Variants in TNIK observed in about 807,000 individuals in gnomAD.
TNIK encodes TRAF2 and NCK interacting kinase, also known as TRAF2 and NCK-interacting protein kinase.
Under a neutral mutation model 191.3 loss-of-function variants are expected in TNIK, and 49 were observed. The observed-to-expected ratio is 0.26, with a 90% CI of 0.20 to 0.32. The LOEUF (loss-of-function observed/expected upper bound fraction) is 0.32, where lower values mean the gene tolerates loss of function less well. TNIK is among the 10% of genes least tolerant of loss of function. The probability of loss-of-function intolerance (pLI) is 1.00; values close to 1 mark genes in which losing one functional copy is unlikely to be tolerated. For missense variants in TNIK, 1,155 were observed against 1,702.3 expected (o/e 0.68, Z 5.66); for synonymous variants, 594 against 600.9 (o/e 0.99, Z 0.17).
At chr3:171,368,336 G>C (rs1445672968) in intron 2 of TNIK, among the ~76,000 whole-genome samples, 1 of 152,190 alleles carries the variant, frequency 6.6e-6, no homozygotes, top group African/African-American at 2.4e-5. Context: ...ACCTAAGTCA[G>C]AGCTTAATTC....
intron 24 of TNIK, among the ~76,000 whole-genome samples, chr3:171,087,014 T>C (rs1721441555): frequency 6.6e-6 from 1 of 152,222 alleles, no homozygotes; most frequent in Non-Finnish European, 1.5e-5. Flanking sequence ...CTGTGTAGCC[T>C]GAAGTTTCCA....
intron 27 of TNIK, among the ~76,000 whole-genome samples, chr3:171,081,128 A>G (rs1235095752): frequency 1.3e-5 from 2 of 152,290 alleles, no homozygotes; most frequent in African/African-American, 2.4e-5. Flanking sequence ...TAGTATAGCA[A>G]TCAGGACAGC....
intron 2 of TNIK, among the ~76,000 whole-genome samples, chr3:171,311,932 C>T (rs1920108): frequency 0.38 from 57,937 of 151,282 alleles, 11,460 homozygotes; most frequent in Non-Finnish European, 0.42. Context: ...CAAACATACA[C>T]GCAAGGTCAG....
At chr3:171,125,768 A>G in intron 17 of TNIK, 144 bp downstream of exon 17, 1 of 1,250,148 alleles carries the variant, frequency 8.0e-7, no homozygotes, top group African/African-American at 1.5e-5. Context: ...TTAGCCAGGG[A>G]ATGAAGAGGG....
intron 1 of TNIK, among the ~76,000 whole-genome samples, chr3:171,394,222 C>A (rs1385456858): frequency 6.6e-6 from 1 of 152,186 alleles, no homozygotes; most frequent in Non-Finnish European, 1.5e-5. Context: ...AGTCAGAGGT[C>A]CTTCATGACA....
chr3:171,259,838 C>T lies in TNIK; in HGVS notation c.124-31617G>A, dbSNP rs1359938676. 2.6e-5 allele frequency among the ~76,000 whole-genome samples: 4 copies of T among 152,194 alleles called. No homozygotes were observed. The South Asian group carries it at 6.2e-4, about 24-fold the overall frequency. On this transcript the variant is annotated intron_variant, in intron 2 of 32. Transcript: ENST00000436636. ...CCAGTGCTCTTCAAGAGATCCATTA[C>T]ATCCCTCTTCTTGCCCTCATTTACT...
At chr3:171,065,546 T>C (rs1279056812) in intron 32 of TNIK, among the ~76,000 whole-genome samples, 1 of 152,214 alleles carries the variant, frequency 6.6e-6, no homozygotes, top group African/African-American at 2.4e-5. Flanking sequence ...GGGGTTACTC[T>C]ACAGGGAGGG....
At chr3:171,381,175 C>A (rs1717981397) in intron 1 of TNIK, among the ~76,000 whole-genome samples, 1 of 152,026 alleles carries the variant, frequency 6.6e-6, no homozygotes, top group Non-Finnish European at 1.5e-5. Flanking sequence ...GGGATTTATA[C>A]CATCTGTTCA....
At chr3:171,267,000 T>A (rs185581587) in intron 2 of TNIK, among the ~76,000 whole-genome samples, 1 of 152,224 alleles carries the variant, frequency 6.6e-6, no homozygotes, top group Admixed American at 6.5e-5. Flanking sequence ...ACAAGGCAAA[T>A]GGCATTTTCA....
intron 3 of TNIK, 59 bp downstream of exon 3, chr3:171,228,106 T>A: frequency 1.3e-6 from 2 of 1,570,232 alleles, no homozygotes; most frequent in Admixed American, 3.4e-5. Context: ...GGATGTGAAC[T>A]CATCATAAGT....
Position 171,228,193 on chromosome 3 carries a change from G to A in TNIK, c.152C>T (p.Ala51Val). ...TGTGACATCCATAACCTTGATGGCT[G>A]CAAGCTGGCCCGTTTTGACATGACG... The part of the protein sequence containing the change: ...KGRHVKTGQL[A>V]AIKVMDVTGD... Residue 51 changes from alanine (A) to valine (V), a missense_variant, in exon 3 of 33, where the codon GCA becomes GTA. Coordinates refer to ENST00000436636, the MANE Select transcript of TNIK (RefSeq NM_015028.4). The A allele has an allele frequency of 6.2e-7, 1 of 1,613,636 alleles. No homozygotes were observed. Among genetic ancestry groups the A allele is most frequent in the Non-Finnish European group, 8.5e-7 (1 of 1,179,624 alleles).
At chr3:171,371,346 G>A (rs927183417) in intron 1 of TNIK, among the ~76,000 whole-genome samples, 15 of 152,264 alleles carry the variant, frequency 9.9e-5, no homozygotes, top group African/African-American at 2.4e-4. Context: ...AAGCCCCTGC[G>A]TAGGTGCCTT....
chr3:171,433,206 A>G (rs1407061695), intron 1 of TNIK, among the ~76,000 whole-genome samples: 1 of 99,088 alleles, frequency 1.0e-5, no homozygotes, highest in Non-Finnish European at 2.4e-5. Flanking sequence ...AGAAAACACT[A>G]AAGAAAGTAG....
intron 2 of TNIK, among the ~76,000 whole-genome samples, chr3:171,365,032 A>G (rs1004560365): frequency 1.3e-5 from 2 of 152,108 alleles, no homozygotes; most frequent in African/African-American, 4.8e-5. Context: ...CCTCAGCTCT[A>G]TGCCATAAGA....
chr3:171,141,554 G>A (rs921300305), intron 12 of TNIK, among the ~76,000 whole-genome samples: 1 of 152,182 alleles, frequency 6.6e-6, no homozygotes, highest in African/African-American at 2.4e-5. Flanking sequence ...ACCCCTCTCT[G>A]GAGCATTTGC....
At chr3:171,299,006 C>T (rs758121061) in intron 2 of TNIK, among the ~76,000 whole-genome samples, 4 of 152,048 alleles carry the variant, frequency 2.6e-5, no homozygotes, top group East Asian at 1.9e-4. Flanking sequence ...ACAGTCTGAC[C>T]GAAGTCTTGG....
At chr3:171,221,591 G>C (rs1742350769) in intron 3 of TNIK, among the ~76,000 whole-genome samples, 1 of 152,138 alleles carries the variant, frequency 6.6e-6, no homozygotes, top group Non-Finnish European at 1.5e-5. Flanking sequence ...TAAGATTCCA[G>C]AAGATAGTGC....
chr3:171,450,016 A>G (rs1727983563), intron 1 of TNIK, among the ~76,000 whole-genome samples: 1 of 152,074 alleles, frequency 6.6e-6, no homozygotes, highest in African/African-American at 2.4e-5. Context: ...AGCCTGGGTG[A>G]TGAAGTGAGA....
chr3:171,289,213 A>G (rs1405777228), intron 2 of TNIK, among the ~76,000 whole-genome samples: 1 of 152,200 alleles, frequency 6.6e-6, no homozygotes, highest in Non-Finnish European at 1.5e-5. Flanking sequence ...TGCAAAGACT[A>G]ATTGTGTGTC....
Sources: allele counts gnomAD v4.1 joint callset (sites outside exome capture counted in the v4.1 genomes callset), GRCh38; gene constraint gnomAD v4.1.1; transcripts MANE v1.5; gene names NCBI Gene and HGNC (gene_info 2026-07-23, HGNC 2026-07-21).